Variants in QKI observed in about 807,000 individuals in gnomAD.
QKI encodes the protein QKI, KH domain containing RNA binding.
Under a neutral mutation model 39.0 loss-of-function variants are expected in QKI, and 10 were observed. The ratio of observed to expected loss-of-function variants is 0.26; its 90% CI spans 0.16 to 0.43. QKI has a LOEUF of 0.43. QKI is among the 20% of genes least tolerant of loss of function. The probability of loss-of-function intolerance (pLI) is 1.00; values close to 1 mark genes in which losing one functional copy is unlikely to be tolerated. For missense variants in QKI, 218 were observed against 428.0 expected (o/e 0.51, Z 4.33); for synonymous variants, 204 against 155.4 (o/e 1.31, Z -2.33).
At chr6:163,447,239 G>T in intron 1 of QKI, among the ~76,000 whole-genome samples, 1 of 145,142 alleles carries the variant, frequency 6.9e-6, no homozygotes, top group Admixed American at 6.9e-5. Context: ...ATATTTATGA[G>T]GTGCACGTGA....
At chr6:163,519,242 ACATAGTAC>A (rs1780006325) in intron 3 of QKI, among the ~76,000 whole-genome samples, 1 of 152,166 alleles carries the variant, frequency 6.6e-6, no homozygotes, top group African/African-American at 2.4e-5. Flanking sequence ...CTTCAGTAGC[ACATAGTAC>A]TATGAAATGA....
At chr6:163,567,210 G>C (rs1783418023) in intron 7 of QKI, 1 of 991,610 alleles carries the variant, frequency 1.0e-6, no homozygotes, top group Non-Finnish European at 1.2e-6. Context: ...AGGAATATAT[G>C]CCTCCTGTGT....
intron 7 of QKI, chr6:163,568,020 A>G (rs545731338): frequency 3.0e-6 from 3 of 985,500 alleles, no homozygotes; most frequent in Middle Eastern, 1.0e-3. Context: ...TAATGTATTC[A>G]TCACTAACAG....
At chr6:163,430,184 C>A (rs1433848822) in intron 1 of QKI, among the ~76,000 whole-genome samples, 1 of 152,084 alleles carries the variant, frequency 6.6e-6, no homozygotes, top group East Asian at 1.9e-4. Flanking sequence ...TTGGTCTTAG[C>A]TTTTTCCTTT....
chr6:163,477,308 C>T (rs989045951), intron 2 of QKI, among the ~76,000 whole-genome samples: 10 of 152,056 alleles, frequency 6.6e-5, no homozygotes, highest in South Asian at 2.1e-4. Context: ...TGAGCCACTG[C>T]GCCTGGCCAA....
At chr6:163,477,731 A>G (rs1278935599) in intron 2 of QKI, among the ~76,000 whole-genome samples, 1 of 152,174 alleles carries the variant, frequency 6.6e-6, no homozygotes, top group African/African-American at 2.4e-5. Flanking sequence ...ACTACCTACC[A>G]CCTTTCATTT....
chr6:163,494,151 A>AAAT (rs1778246992), intron 3 of QKI, among the ~76,000 whole-genome samples: 1 of 152,222 alleles, frequency 6.6e-6, no homozygotes, highest in Non-Finnish European at 1.5e-5. Flanking sequence ...AAATAATAAA[A>AAAT]AATAATAATA....
At chr6:163,540,049 G>T (rs9347762) in intron 4 of QKI, among the ~76,000 whole-genome samples, 63,436 of 148,568 alleles carry the variant, frequency 0.43, 16,450 homozygotes, top group East Asian at 0.72. Flanking sequence ...ATCTTGAACT[G>T]TTTTTTTTTT....
At position 163,578,454 on chromosome 6, in the gene QKI, T is replaced by C. The variant is rs1777703624; in HGVS notation, c.*7744T>C. ...TTCATTGTTTTCAATGATTGATTTA[T>C]AAAATTAAGACATACTGGTAGTACA... On this transcript the variant is annotated 3_prime_UTR_variant, in exon 8 of 8. Coordinates refer to ENST00000361752, the MANE Select transcript of QKI (RefSeq NM_006775.3). 1 of 152,224 alleles carries C rather than the reference T, an allele frequency of 6.6e-6. No individual in the cohort carries two copies. The highest frequency in any genetic ancestry group is 2.1e-4 in the South Asian group (1 of 4,836). The allele number at this position is 152,224 out of a possible 1,614,324, so 9.4% of individuals were successfully genotyped here.
At chr6:163,534,910 G>A (rs1781102126) in intron 3 of QKI, 72 bp from the exon 4 acceptor site, 18 of 1,181,990 alleles carry the variant, frequency 1.5e-5, no homozygotes, top group Non-Finnish European at 2.1e-5. Context: ...TTGACAACAG[G>A]TTAGTATTAT....
intron 3 of QKI, among the ~76,000 whole-genome samples, chr6:163,500,054 G>A (rs1272165651): frequency 6.6e-6 from 1 of 152,202 alleles, no homozygotes; most frequent in Non-Finnish European, 1.5e-5. Context: ...GTTTCTGGGT[G>A]AAGTTAGAGC....
intron 7 of QKI, chr6:163,569,836 G>T (rs1248603069): frequency 1.8e-5 from 18 of 985,642 alleles, no homozygotes; most frequent in Non-Finnish European, 2.2e-5. Context: ...TGCCTTATTG[G>T]TATCAATTAG....
At position 163,509,998 on chromosome 6, in the gene QKI, T is replaced by C. The variant is rs528162966; in HGVS notation, c.403-24984T>C. The stretch of plus-strand genomic sequence containing the variant: ...GGAGGCCAAGATGGGCCAATTGCCC[T>C]GAGCTCAGGAGTTTGAAACCAGTCT... On this transcript the variant is annotated intron_variant, in intron 3 of 7. Transcript: ENST00000361752. 1.6e-3 allele frequency among the ~76,000 whole-genome samples: 246 copies of C among 152,070 alleles called. 2 individuals are homozygous for C. The highest frequency in any genetic ancestry group is 5.8e-3 in the African/African-American group (239 of 41,510).
chr6:163,436,789 C>CAAAAAAA (rs60899517), intron 1 of QKI, among the ~76,000 whole-genome samples: 5 of 89,420 alleles, frequency 5.6e-5, no homozygotes, highest in African/African-American at 8.9e-5. Context: ...GACTCCGTCT[C>CAAAAAAA]AAAAAAAAAA....
chr6:163,570,595 T>C, intron 7 of QKI, 99 bp from the exon 8 acceptor site: 1 of 1,569,980 alleles, frequency 6.4e-7, no homozygotes, highest in Non-Finnish European at 8.5e-7. Context: ...TGATTAGTTT[T>C]TCATGTTGTC....
intron 3 of QKI, among the ~76,000 whole-genome samples, chr6:163,509,437 C>G (rs951153473): frequency 6.6e-6 from 1 of 150,504 alleles, no homozygotes. Context: ...TGCTCCTTCC[C>G]CCTTCTTAAT....
chr6:163,485,454 T>G (rs1777596441), intron 3 of QKI, among the ~76,000 whole-genome samples: 1 of 152,212 alleles, frequency 6.6e-6, no homozygotes, highest in African/African-American at 2.4e-5. Context: ...CAAATTGTTG[T>G]GGAGTGACAA....
At chr6:163,420,154 C>CTTTTTTTTTTTTTTTT (rs35131240) in intron 1 of QKI, among the ~76,000 whole-genome samples, 2 of 60,810 alleles carry the variant, frequency 3.3e-5, no homozygotes, top group African/African-American at 5.5e-5. Flanking sequence ...CTTTTCTTTT[C>CTTTTTTTTTTTTTTTT]TTTTTTTTTT....
At chr6:163,509,378 C>T (rs1779295844) in intron 3 of QKI, among the ~76,000 whole-genome samples, 1 of 152,168 alleles carries the variant, frequency 6.6e-6, no homozygotes, top group East Asian at 1.9e-4. Flanking sequence ...GAAATTTTTA[C>T]CCTGATACTG....
Sources: gnomAD v4.1 joint callset for allele counts (sites outside exome capture counted in the v4.1 genomes callset) on GRCh38, gnomAD v4.1.1 for gene constraint, MANE v1.5 for transcripts, NCBI Gene and HGNC (gene_info 2026-07-23, HGNC 2026-07-21) for gene names.